Variants in VWF observed in about 807,000 individuals in gnomAD.
VWF encodes Factor VIII related antigen.
Under a neutral mutation model 308.6 loss-of-function variants are expected in VWF, and 176 were observed. That is an observed-to-expected ratio of 0.57 (90% CI 0.50 to 0.65). The LOEUF is 0.65. Among genes scored for constraint, VWF ranks in the 30% least tolerant of loss-of-function variants. The pLI is 0.00. For missense variants in VWF, 3,146 were observed against 3,648.2 expected (o/e 0.86, Z 3.55); for synonymous variants, 1,385 against 1,443.4 (o/e 0.96, Z 0.92).
chr12:5,991,846 G>A lies in VWF; in HGVS notation c.6771C>T (p.Cys2257=). Residue 2257 remains cysteine (C), a synonymous_variant, in exon 38 of 52, where the codon TGC becomes TGT. Transcript: ENST00000261405. ...SCVPEEACTQ[C]IGEDGVQHQF... ...GGTGCTGGACTCCATCCTCACCAAT[G>A]CACTGAGTGCAGGCCTCTTCAGGGA... 1 of 1,614,198 alleles carries A rather than the reference G, an allele frequency of 6.2e-7. No individual in the cohort carries two copies. Among genetic ancestry groups the A allele is most frequent in the Non-Finnish European group, 8.5e-7 (1 of 1,180,038 alleles).
chr12:5,964,989 C>G (rs1001253994), intron 47 of VWF, among the ~76,000 whole-genome samples: 2 of 152,144 alleles, frequency 1.3e-5, no homozygotes, highest in African/African-American at 4.8e-5. Flanking sequence ...GTCTCCTACC[C>G]GGCAGGGCCA....
intron 42 of VWF, among the ~76,000 whole-genome samples, chr12:5,978,184 C>T (rs924833409): frequency 1.3e-5 from 2 of 150,700 alleles, no homozygotes; most frequent in Admixed American, 1.3e-4. Flanking sequence ...TTTCAAATGA[C>T]TTCAAAACCT....
rs757325607 is a variant in VWF at position 5,952,557 on chromosome 12, G to C, written c.7987-38C>G. The C allele has an allele frequency of 6.8e-6, 11 of 1,608,290 alleles. No individual in the cohort carries two copies. The South Asian group carries it at 1.0e-4, about 15-fold the overall frequency. The stretch of plus-strand genomic sequence containing the variant: ...AGGAGTGGGTAAAGTCAGAGACAGT[G>C]TTTGGTTCACAAAGCCACTTCAAAC... On this transcript the variant is annotated intron_variant, in intron 48 of 51. Coordinates refer to ENST00000261405, the MANE Select transcript of VWF (RefSeq NM_000552.5).
Position 6,019,626 on chromosome 12 carries a change from T to C in VWF, c.3792A>G (p.Glu1264=), listed in dbSNP as rs1162458252. ...PTTLYVEDIS[E]PPLHDFYCSR... ...TGCAGTAGAAATCGTGCAACGGCGGTTCCGAGATGTCCTCCACATACAGAG... is the reference window on the plus strand; with the variant it reads ...TGCAGTAGAAATCGTGCAACGGCGGCTCCGAGATGTCCTCCACATACAGAG... The change falls in exon 28 of 52, where the codon GAA becomes GAG. Residue 1264 remains glutamate, a synonymous_variant. Coordinates refer to ENST00000261405, the MANE Select transcript of VWF (RefSeq NM_000552.5). This position sits in a 1 kb window ranked among gnomAD's most constrained non-coding sequence, Gnocchi z 5.8. 2 of 1,613,844 alleles carry C rather than the reference T, an allele frequency of 1.2e-6. No homozygotes were observed. The highest frequency in any genetic ancestry group is 2.2e-5 in the East Asian group (1 of 44,844).
intron 10 of VWF, among the ~76,000 whole-genome samples, chr12:6,066,945 G>C (rs115536138): frequency 6.6e-6 from 1 of 152,226 alleles, no homozygotes; most frequent in Non-Finnish European, 1.5e-5. Flanking sequence ...ACATCCCTCT[G>C]CCTGGTCCCC....
rs1306896922 is a variant in VWF at position 6,060,965 on chromosome 12, C to G, written c.1533+1989G>C. Among the ~76,000 whole-genome samples the G allele has an allele frequency of 6.6e-6, 1 of 152,174 alleles. No individual in the cohort carries two copies. Among genetic ancestry groups the G allele is most frequent in the African/African-American group, 2.4e-5 (1 of 41,442 alleles). On this transcript the variant is annotated intron_variant, in intron 13 of 51. Coordinates refer to ENST00000261405, the MANE Select transcript of VWF (RefSeq NM_000552.5). The surrounding 1 kb of genome is among the most constrained non-coding windows in gnomAD (Gnocchi z 5.1). ...CCCGTAATCCCAGCACTTTGGGAGG[C>G]TGAGGAGGGTGGATCATTTGAGGTC... is the stretch of plus-strand genomic sequence containing the variant.
intron 7 of VWF, among the ~76,000 whole-genome samples, chr12:6,074,450 A>G (rs544732646): frequency 6.0e-5 from 9 of 149,016 alleles, no homozygotes; most frequent in African/African-American, 2.3e-4. Context: ...TCTCCAAGAT[A>G]CATCAGGTTA....
intron 5 of VWF, among the ~76,000 whole-genome samples, chr12:6,108,343 A>ACACACACT (rs1945267483): frequency 7.3e-6 from 1 of 136,658 alleles, no homozygotes; most frequent in South Asian, 2.1e-4. Context: ...ATACACACAC[A>ACACACACT]CACACACACA....
chr12:6,052,516 G>A (rs1197041964), intron 16 of VWF, 27 bp downstream of exon 16: 4 of 1,614,130 alleles, frequency 2.5e-6, no homozygotes, highest in Middle Eastern at 1.6e-4. Flanking sequence ...TGTTTTAGAG[G>A]TCCCTGACAC....
intron 1 of VWF, among the ~76,000 whole-genome samples, chr12:6,124,116 C>T (rs942590780): frequency 6.6e-6 from 1 of 152,130 alleles, no homozygotes; most frequent in South Asian, 2.1e-4. Flanking sequence ...CCCTCCCAGT[C>T]CTAACACGCA....
At chr12:6,121,485 A>C in intron 2 of VWF, 147 bp from the exon 3 acceptor site, 1 of 1,002,770 alleles carries the variant, frequency 1.0e-6, no homozygotes, top group South Asian at 1.4e-5. Flanking sequence ...ATGAGACTAA[A>C]GCTGTTGCTT....
At position 5,996,050 on chromosome 12, in the gene VWF, G is replaced by A. The variant is rs575042694; in HGVS notation, c.6015C>T (p.Ile2005=). The A allele has an allele frequency of 3.7e-5, 59 of 1,613,712 alleles. No individual in the cohort carries two copies. The East Asian group carries it at 7.8e-4, about 21-fold the overall frequency. The stretch of plus-strand genomic sequence containing the variant: ...CGGAGAGGGCACTGTGCTTCACCTC[G>A]ATGGATTTCATGCAGCCCTGCCTTG... The part of the protein sequence containing the change: ...PGARQGCMKS[I]EVKHSALSVE... The change falls in exon 35 of 52, where the codon ATC becomes ATT. Residue 2005 remains isoleucine, a synonymous_variant. Transcript: ENST00000261405.
Position 6,103,385 on chromosome 12 carries a change from CGTGTGTGTAT to C in VWF, c.532+6979_532+6988del, listed in dbSNP as rs1221419958. On this transcript the variant is annotated intron_variant, in intron 5 of 51. Coordinates refer to ENST00000261405, the MANE Select transcript of VWF (RefSeq NM_000552.5). ...ATATATATGTGTGTGTGTGTATACA[CGTGTGTGTAT>C]ACACGTGTGTGTATACACACGTGTG... is the stretch of plus-strand genomic sequence containing the variant. Among the ~76,000 whole-genome samples, 12 of 114,340 alleles carry C rather than the reference CGTGTGTGTAT, an allele frequency of 1.0e-4. 2 individuals are homozygous for C. The highest frequency in any genetic ancestry group is 4.9e-4 in the South Asian group (2 of 4,122). The allele number at this position is 114,340 out of a possible 152,430, so 75.0% of individuals were successfully genotyped here.
rs3213721 is a variant in VWF at position 6,073,587 on chromosome 12, C to T, written c.997+32G>A. The T allele has an allele frequency of 1.4e-3, 2,269 of 1,613,690 alleles. 32 individuals are homozygous for T. The East Asian group carries it at 0.032, about 23-fold the overall frequency. ...AAAGCCAAGGGTGCTGGCAAGGTCT[C>T]TGATCTGTAAATAAAGTGGGAAGTT... On this transcript the variant is annotated intron_variant, in intron 8 of 51. Coordinates refer to ENST00000261405, the MANE Select transcript of VWF (RefSeq NM_000552.5).
intron 38 of VWF, among the ~76,000 whole-genome samples, chr12:5,991,205 ACG>A (rs141181223): frequency 0.21 from 23,978 of 114,840 alleles, 2,195 homozygotes; most frequent in East Asian, 0.34. Context: ...ACACACACAC[ACG>A]CATGCACACA....
intron 39 of VWF, 106 bp from the exon 40 acceptor site, chr12:5,985,225 G>A (rs557497922): frequency 1.5e-5 from 18 of 1,181,342 alleles, no homozygotes; most frequent in South Asian, 1.1e-4. Flanking sequence ...AGTTCTGTAC[G>A]GTCATCCCAC....
intron 15 of VWF, among the ~76,000 whole-genome samples, chr12:6,053,255 C>A (rs1323078417): frequency 6.6e-6 from 1 of 152,176 alleles, no homozygotes; most frequent in Non-Finnish European, 1.5e-5. Flanking sequence ...TTATGGAGCA[C>A]CTACTGAATG....
At chr12:5,999,471 T>TAC (rs3062521) in intron 34 of VWF, among the ~76,000 whole-genome samples, 38,400 of 143,430 alleles carry the variant, frequency 0.27, 5,411 homozygotes, top group African/African-American at 0.4. Flanking sequence ...TGTACACACA[T>TAC]ACACACACAC....
intron 50 of VWF, among the ~76,000 whole-genome samples, chr12:5,951,560 C>A (rs1943191217): frequency 6.6e-6 from 1 of 152,146 alleles, no homozygotes; most frequent in Non-Finnish European, 1.5e-5. Context: ...ACATAAGAAG[C>A]TGGAGACAGG....
Sources: gnomAD v4.1 joint callset for allele counts (sites outside exome capture counted in the v4.1 genomes callset) on GRCh38, gnomAD v4.1.1 for gene constraint, Gnocchi (gnomAD v3.1) non-coding constraint, MANE v1.5 for transcripts, NCBI Gene and HGNC (gene_info 2026-07-23, HGNC 2026-07-21) for gene names.